ULK4: variants seen among roughly 807,000 people sequenced by gnomAD.
ULK4 encodes inactive serine/threonine-protein kinase ULK4.
ULK4 carries 133 observed loss-of-function variants against 160.6 expected under a neutral mutation model. The ratio of observed to expected loss-of-function variants is 0.83; its 90% CI spans 0.72 to 0.96. The LOEUF is 0.96. ULK4 is among the 40% of genes least tolerant of loss of function. The probability of loss-of-function intolerance (pLI) is 0.00; values close to 1 mark genes in which losing one functional copy is unlikely to be tolerated. For synonymous variants in ULK4, 534 were observed against 539.8 expected (o/e 0.99, Z 0.15); for missense variants, 1,580 against 1,499.5 (o/e 1.05, Z -0.89).
chr3:41,310,971 C>T (rs1055079911), intron 35 of ULK4, among the ~76,000 whole-genome samples: 3 of 150,808 alleles, frequency 2.0e-5, no homozygotes, highest in Non-Finnish European at 2.9e-5. Flanking sequence ...CCAGCCTGGG[C>T]AACAGAGGGA....
At chr3:41,674,286 C>T (rs1416668719) in intron 29 of ULK4, among the ~76,000 whole-genome samples, 2 of 152,186 alleles carry the variant, frequency 1.3e-5, no homozygotes, top group African/African-American at 4.8e-5. Flanking sequence ...CATAAGACTA[C>T]TTTTAGTACT....
At position 41,433,858 on chromosome 3, in the gene ULK4, T is replaced by C. The variant is rs565066646; in HGVS notation, c.3492+21639A>G. Among the ~76,000 whole-genome samples, 73 of 152,328 alleles carry C rather than the reference T, an allele frequency of 4.8e-4. 1 individual carries two copies. The highest frequency in any genetic ancestry group is 8.2e-4 in the Non-Finnish European group (56 of 68,028). On this transcript the variant is annotated intron_variant, in intron 34 of 36. Transcript: ENST00000301831. ...CCTCAGCCTCCAGACTAGCTGGGACTACAGGCGCCCGCCACCACACCGGGC... is the reference window on the plus strand; with the variant it reads ...CCTCAGCCTCCAGACTAGCTGGGACCACAGGCGCCCGCCACCACACCGGGC...
chr3:41,380,104 A>G (rs899324657), intron 35 of ULK4, among the ~76,000 whole-genome samples: 2 of 152,162 alleles, frequency 1.3e-5, no homozygotes, highest in African/African-American at 2.4e-5. Context: ...AAATTACACC[A>G]AAGTCTTTGA....
intron 35 of ULK4, among the ~76,000 whole-genome samples, chr3:41,277,523 G>C (rs1247125189): frequency 3.9e-5 from 6 of 152,122 alleles, no homozygotes. Flanking sequence ...AAGAGATGCA[G>C]AAAAAGCATT....
chr3:41,923,440 G>C (rs561114006), intron 5 of ULK4, among the ~76,000 whole-genome samples: 5 of 152,156 alleles, frequency 3.3e-5, no homozygotes, highest in Non-Finnish European at 5.9e-5. Context: ...AGAGGTTGCA[G>C]TGAGCTGAGA....
chr3:41,531,013 C>T (rs1008312080), intron 32 of ULK4, among the ~76,000 whole-genome samples: 10 of 151,566 alleles, frequency 6.6e-5, no homozygotes, highest in South Asian at 6.3e-4. Flanking sequence ...CTGCCCGCCT[C>T]GGCCTCCCAA....
intron 16 of ULK4, among the ~76,000 whole-genome samples, chr3:41,889,054 C>T (rs1466866664): frequency 4.0e-5 from 6 of 151,838 alleles, no homozygotes; most frequent in Non-Finnish European, 8.8e-5. Flanking sequence ...GATCACCAGG[C>T]ATTTGAGAAA....
intron 19 of ULK4, among the ~76,000 whole-genome samples, chr3:41,807,467 T>C (rs1411049511): frequency 1.3e-5 from 2 of 152,202 alleles, no homozygotes; most frequent in African/African-American, 4.8e-5. Context: ...AGATATTGAG[T>C]AATGTCTAAG....
rs1352702051 is a variant in ULK4, at chr3:41,962,048, A to T, written c.-81T>A. ...CTAAGTCAAGAAAAGAGTCCAGTCC[A>T]CTTGGCTGCTCCCGCGGTTGCGCGC... On this transcript the variant is annotated 5_prime_UTR_variant, in exon 1 of 37. Transcript: ENST00000301831. The T allele has an allele frequency of 6.6e-6, 1 of 152,570 alleles. No individual in the cohort carries two copies. Among genetic ancestry groups the T allele is most frequent in the East Asian group, 1.9e-4 (1 of 5,214 alleles). The allele number at this position is 152,570 out of a possible 1,614,324, so 9.5% of individuals were successfully genotyped here.
chr3:41,714,257 A>G (rs1315707242), intron 25 of ULK4, among the ~76,000 whole-genome samples: 1 of 152,212 alleles, frequency 6.6e-6, no homozygotes, highest in Admixed American at 6.5e-5. Flanking sequence ...CCTTTACTGC[A>G]TTGCTTCCTA....
chr3:41,448,156 C>T (rs922355630), intron 34 of ULK4, among the ~76,000 whole-genome samples: 1 of 152,126 alleles, frequency 6.6e-6, no homozygotes, highest in Non-Finnish European at 1.5e-5. Flanking sequence ...CTAGGGTTTA[C>T]AGCTTAGTGG....
rs1559515395 is a variant in ULK4, at chr3:41,306,199, CA to C, written c.3679-56626del. 3.3e-5 allele frequency among the ~76,000 whole-genome samples: 3 copies of C among 91,298 alleles called. 1 individual carries two copies. In the East Asian group the frequency reaches 9.0e-4, roughly 27 times the overall value. The allele number at this position is 91,298 out of a possible 152,430, so 59.9% of individuals were successfully genotyped here. On this transcript the variant is annotated intron_variant, in intron 35 of 36. Transcript: ENST00000301831. ...GAGGGAGGTGGGGGGGTCAGCCCCCCACCCCGCCCGGGAGGGAGGTGGGGGC... is the reference window on the plus strand; with the variant it reads ...GAGGGAGGTGGGGGGGTCAGCCCCCCCCCCGCCCGGGAGGGAGGTGGGGGC...
chr3:41,876,588 G>A (rs1263454882), intron 17 of ULK4, among the ~76,000 whole-genome samples: 3 of 152,108 alleles, frequency 2.0e-5, no homozygotes, highest in South Asian at 2.1e-4. Context: ...GAGAGCTTGC[G>A]CAAGTGCATC....
chr3:41,647,521 C>T (rs2034555964), intron 30 of ULK4, among the ~76,000 whole-genome samples: 1 of 152,188 alleles, frequency 6.6e-6, no homozygotes, highest in Non-Finnish European at 1.5e-5. Context: ...TTTCGCGAAC[C>T]ACAAATGCTG....
At chr3:41,496,324 A>G (rs9832884) in intron 32 of ULK4, among the ~76,000 whole-genome samples, 62,084 of 151,592 alleles carry the variant, frequency 0.41, 12,830 homozygotes, top group African/African-American at 0.44. Flanking sequence ...TATCATAAAC[A>G]TTAAGCCTAG....
chr3:41,824,090 G>C (rs1222748803), intron 18 of ULK4, among the ~76,000 whole-genome samples: 1 of 147,680 alleles, frequency 6.8e-6, no homozygotes, highest in African/African-American at 2.5e-5. Context: ...TTGAATCCAG[G>C]AGGTGGGGGT....
chr3:41,744,393 G>A (rs967518917), intron 22 of ULK4, among the ~76,000 whole-genome samples: 1 of 151,870 alleles, frequency 6.6e-6, no homozygotes, highest in African/African-American at 2.4e-5. Context: ...TTAAAATAAA[G>A]GCAGGAGTGA....
At chr3:41,474,110 T>C (rs963947358) in intron 32 of ULK4, among the ~76,000 whole-genome samples, 3 of 152,136 alleles carry the variant, frequency 2.0e-5, no homozygotes, top group Admixed American at 6.5e-5. Context: ...TTTCAAACTA[T>C]ACTACAAAGC....
intron 35 of ULK4, among the ~76,000 whole-genome samples, chr3:41,300,159 T>C (rs1047335718): frequency 4.6e-5 from 7 of 152,178 alleles, no homozygotes; most frequent in African/African-American, 1.4e-4. Context: ...AATGAGAGCA[T>C]TGGTTACATT....
Sources: allele counts gnomAD v4.1 joint callset (sites outside exome capture counted in the v4.1 genomes callset), GRCh38; gene constraint gnomAD v4.1.1; transcripts MANE v1.5; gene names NCBI Gene and HGNC (gene_info 2026-07-23, HGNC 2026-07-21).